The following RBL1 variants were observed in gnomAD, a reference collection of about 807,000 sequenced individuals.
RBL1 encodes retinoblastoma-like protein 1.
RBL1 carries 82 observed loss-of-function variants against 123.0 expected under a neutral mutation model. That is an observed-to-expected ratio of 0.67 (90% CI 0.56 to 0.80). The LOEUF (loss-of-function observed/expected upper bound fraction) is 0.80. Among genes scored for constraint, RBL1 ranks in the 30% least tolerant of loss-of-function variants. The probability of loss-of-function intolerance (pLI) is 0.00; values close to 1 mark genes in which losing one functional copy is unlikely to be tolerated. For synonymous variants in RBL1, 405 were observed against 441.3 expected (o/e 0.92, Z 1.03); for missense variants, 1,171 against 1,299.6 (o/e 0.90, Z 1.52).
intron 11 of RBL1, chr20:37,049,152 A>T (rs1223979241): frequency 4.0e-6 from 1 of 251,694 alleles, no homozygotes; most frequent in Non-Finnish European, 7.6e-6. Context: ...CAGTGGGCCG[A>T]GGTCATGCTA....
chr20:37,031,539 C>G lies in RBL1; in HGVS notation c.2382+1126G>C, dbSNP rs568493549. Among the ~76,000 whole-genome samples, 3 of 152,212 alleles carry G rather than the reference C, an allele frequency of 2.0e-5. 1 individual carries two copies. Among genetic ancestry groups the G allele is most frequent in the South Asian group, 2.1e-4 (1 of 4,832 alleles). ...GGATGGCCATTATCAAAAAAACAAA[C>G]AAACCAGAAAACACGAAACGTTGGC... On this transcript the variant is annotated intron_variant, in intron 16 of 21. Coordinates refer to ENST00000373664, the MANE Select transcript of RBL1 (RefSeq NM_002895.5).
chr20:37,034,425 A>T (rs2064569244), intron 15 of RBL1, among the ~76,000 whole-genome samples: 1 of 152,124 alleles, frequency 6.6e-6, no homozygotes, highest in African/African-American at 2.4e-5. Flanking sequence ...CAAAAAACAG[A>T]ATTTTTGCTC....
At chr20:37,067,363 T>C (rs955687498) in intron 3 of RBL1, 66 bp from the exon 4 acceptor site, 2 of 1,149,718 alleles carry the variant, frequency 1.7e-6, no homozygotes, top group East Asian at 2.4e-5. Flanking sequence ...ACTGAAATAG[T>C]AAATGTAAAT....
intron 12 of RBL1, among the ~76,000 whole-genome samples, chr20:37,046,504 T>C (rs894716842): frequency 6.6e-6 from 1 of 151,978 alleles, no homozygotes; most frequent in African/African-American, 2.4e-5. Flanking sequence ...ACTCAAGCCA[T>C]CCTCCAGCCT....
In RBL1 at chr20:37,020,653, A is replaced by T. The variant is rs1306195051; in HGVS notation, c.2631+6T>A. 1.3e-6 allele frequency: 2 copies of T among 1,553,244 alleles called. No individual in the cohort carries two copies. The highest frequency in any genetic ancestry group is 1.2e-5 in the South Asian group (1 of 83,202). ...TTTGGACAGTAGGAAAAATAATGTAACTCACGTGACTATTAGCTTGGGGCT... is the reference window on the plus strand; with the variant it reads ...TTTGGACAGTAGGAAAAATAATGTATCTCACGTGACTATTAGCTTGGGGCT... On this transcript the variant is annotated splice_donor_region_variant and intron_variant, in intron 18 of 21. Coordinates refer to ENST00000373664, the MANE Select transcript of RBL1 (RefSeq NM_002895.5).
chr20:37,025,526 GA>G (rs201218564), intron 16 of RBL1, among the ~76,000 whole-genome samples: 15 of 140,680 alleles, frequency 1.1e-4, no homozygotes, highest in South Asian at 2.3e-4. Flanking sequence ...TCTCCAAAAA[GA>G]AAAAAAAAAA....
chr20:37,060,947 G>T (rs1019170223), intron 9 of RBL1, among the ~76,000 whole-genome samples, 156 bp downstream of exon 9: 3 of 152,040 alleles, frequency 2.0e-5, no homozygotes, highest in African/African-American at 7.2e-5. Context: ...ACTTCAATAT[G>T]GTTTTAGGTC....
Position 37,014,085 on chromosome 20 carries a change from C to CTTT in RBL1, c.2722+4191_2722+4193dup, listed in dbSNP as rs1184794374. ...TATATCCTCCTACATAACTTTCTCT[C>CTTT]TTTTTTTTTTTTTTTTTTGAGACAG... On this transcript the variant is annotated intron_variant, in intron 19 of 21. Transcript: ENST00000373664. Among the ~76,000 whole-genome samples the CTTT allele has an allele frequency of 1.6e-4, 22 of 136,324 alleles. No homozygotes were observed. The East Asian group carries it at 4.0e-3, about 25-fold the overall frequency. 89.4% of individuals were successfully genotyped at this position (136,324 alleles called of 152,430 possible).
intron 19 of RBL1, among the ~76,000 whole-genome samples, chr20:37,015,437 T>G (rs1355401314): frequency 6.8e-6 from 1 of 147,300 alleles, no homozygotes; most frequent in African/African-American, 2.5e-5. Flanking sequence ...TTTGTTGTTG[T>G]TTTTTTTTTT....
chr20:37,052,383 G>A (rs2064930997), intron 11 of RBL1, among the ~76,000 whole-genome samples: 1 of 152,000 alleles, frequency 6.6e-6, no homozygotes, highest in South Asian at 2.1e-4. Flanking sequence ...CCACGTGGGA[G>A]TGCAGTGGTG....
chr20:37,086,045 A>G (rs1365781159), intron 2 of RBL1, among the ~76,000 whole-genome samples: 3 of 152,126 alleles, frequency 2.0e-5, no homozygotes, highest in African/African-American at 7.2e-5. Context: ...TCCAAGGTTC[A>G]AGTGATTCTC....
intron 2 of RBL1, among the ~76,000 whole-genome samples, chr20:37,083,185 A>C (rs1010913429): frequency 1.3e-5 from 2 of 151,896 alleles, no homozygotes; most frequent in African/African-American, 4.8e-5. Flanking sequence ...GTTTTGCGGA[A>C]GGCTGGGCGC....
chr20:37,095,970 C>T lies in RBL1; in HGVS notation c.-42G>A, dbSNP rs995594510. ...GGCTGCGCGCCACGGCCCCCGACTTCTTTCTCCCTCCCAGGCGCGCTACCC... is the reference window on the plus strand; with the variant it reads ...GGCTGCGCGCCACGGCCCCCGACTTTTTTCTCCCTCCCAGGCGCGCTACCC... On this transcript the variant is annotated 5_prime_UTR_variant, in exon 1 of 22. Transcript: ENST00000373664. The T allele has an allele frequency of 1.4e-6, 2 of 1,436,596 alleles. No individual in the cohort carries two copies. Among genetic ancestry groups the T allele is most frequent in the African/African-American group, 1.4e-5 (1 of 70,586 alleles). The allele number at this position is 1,436,596 out of a possible 1,614,324, so 89.0% of individuals were successfully genotyped here.
chr20:37,087,440 A>G (rs891377836), intron 2 of RBL1, among the ~76,000 whole-genome samples: 1 of 152,116 alleles, frequency 6.6e-6, no homozygotes, highest in African/African-American at 2.4e-5. Flanking sequence ...TAAAAATATC[A>G]GTCAGGCATG....
chr20:37,081,834 A>C, intron 2 of RBL1: 1 of 349,632 alleles, frequency 2.9e-6, no homozygotes, highest in Non-Finnish European at 5.7e-6. Flanking sequence ...GCTTGAACAA[A>C]GTATGAATCT....
chr20:37,005,890 C>CTTT (rs1568814331), intron 20 of RBL1, among the ~76,000 whole-genome samples: 1 of 102,232 alleles, frequency 9.8e-6, no homozygotes, highest in East Asian at 3.1e-4. Context: ...TTTTTTTTTT[C>CTTT]TTTCTTTTTT....
intron 14 of RBL1, among the ~76,000 whole-genome samples, chr20:37,037,373 G>A (rs2064634152): frequency 6.6e-6 from 1 of 152,204 alleles, no homozygotes; most frequent in Non-Finnish European, 1.5e-5. Flanking sequence ...ATGACAATCT[G>A]TCAAGGTACA....
rs942121689 is a variant in RBL1, at chr20:36,998,769, GCT to G, written c.3195_3196del (p.Arg1065SerfsTer11). 6.2e-7 allele frequency: 1 copy of G among 1,610,190 alleles called. No homozygotes were observed. On this transcript the variant is annotated frameshift_variant, in exon 22 of 22. Coordinates refer to ENST00000373664, the MANE Select transcript of RBL1 (RefSeq NM_002895.5). LOFTEE classifies it high-confidence loss of function. ...GAAACAAGAACAACATTAATGATTT[GCT>G]CTTTCACTGACAACATCCTGTAGTC...
At chr20:37,081,993 T>G (rs1457032023) in intron 2 of RBL1, 2 of 455,964 alleles carry the variant, frequency 4.4e-6, no homozygotes, top group Admixed American at 4.7e-5. Context: ...GTTGCCAAAA[T>G]GTCAACTGGC....
Sources: gnomAD v4.1 joint callset for allele counts (sites outside exome capture counted in the v4.1 genomes callset) on GRCh38, gnomAD v4.1.1 for gene constraint, MANE v1.5 for transcripts, NCBI Gene and HGNC (gene_info 2026-07-23, HGNC 2026-07-21) for gene names.